MYO18B: variants seen among roughly 807,000 people sequenced by gnomAD.
MYO18B encodes the protein myosin XVIIIB.
In MYO18B, 204 loss-of-function variants were observed where a neutral mutation model predicts 273.0. That is an observed-to-expected ratio of 0.75 (90% CI 0.67 to 0.84). The LOEUF (loss-of-function observed/expected upper bound fraction) is 0.84. Ranked by LOEUF, MYO18B falls within the 40% of genes least tolerant of loss-of-function variation. The probability of loss-of-function intolerance (pLI) is 0.00; values close to 1 mark genes in which losing one functional copy is unlikely to be tolerated. For synonymous variants in MYO18B, 1,330 were observed against 1,305.7 expected (o/e 1.02, Z -0.40); for missense variants, 3,212 against 3,287.6 (o/e 0.98, Z 0.56).
intron 15 of MYO18B, among the ~76,000 whole-genome samples, chr22:25,830,886 G>C (rs2089681636): frequency 6.6e-6 from 1 of 152,150 alleles, no homozygotes; most frequent in South Asian, 2.1e-4. Flanking sequence ...CTCCCCAAAG[G>C]GGCCGTTTTG....
intron 1 of MYO18B, among the ~76,000 whole-genome samples, chr22:25,754,684 C>T (rs760161308): frequency 1.2e-4 from 18 of 152,152 alleles, no homozygotes; most frequent in Non-Finnish European, 2.1e-4. Context: ...GGGCCCGGAC[C>T]GGAGTATGGC....
chr22:25,942,254 C>T (rs2092653132), intron 34 of MYO18B, among the ~76,000 whole-genome samples: 1 of 152,234 alleles, frequency 6.6e-6, no homozygotes, highest in South Asian at 2.1e-4. Flanking sequence ...GTGTTGGTAA[C>T]GTTGGTTTCC....
At chr22:26,054,230 G>T in the MYO18B span, among the ~76,000 whole-genome samples, 1 of 152,158 alleles carries the variant, frequency 6.6e-6, no homozygotes, top group African/African-American at 2.4e-5. Flanking sequence ...TGTATCACTT[G>T]CTTTCTGCAT....
chr22:25,753,396 G>A (rs1004650446), intron 1 of MYO18B, among the ~76,000 whole-genome samples: 3 of 152,128 alleles, frequency 2.0e-5, no homozygotes, highest in African/African-American at 7.2e-5. Context: ...TCTGTAAAAC[G>A]GACCAGTCAG....
At chr22:25,786,934 G>T (rs2087415910) in intron 11 of MYO18B, among the ~76,000 whole-genome samples, 1 of 152,200 alleles carries the variant, frequency 6.6e-6, no homozygotes, top group African/African-American at 2.4e-5. Flanking sequence ...AAGAAATTCA[G>T]CCAGTGCGGT....
chr22:26,038,383 G>A, the MYO18B span, among the ~76,000 whole-genome samples: 1 of 152,100 alleles, frequency 6.6e-6, no homozygotes, highest in South Asian at 2.1e-4. Flanking sequence ...TCTGTTTCCT[G>A]CTGTAAAGTC....
intron 17 of MYO18B, among the ~76,000 whole-genome samples, chr22:25,838,831 G>A (rs917480029): frequency 2.1e-4 from 32 of 151,968 alleles, no homozygotes; most frequent in African/African-American, 7.7e-4. Flanking sequence ...ATGTGTGTAT[G>A]TCTGTGTGTA....
rs998619989 is a variant in MYO18B at position 25,838,445 on chromosome 22, C to G, written c.3208+3002C>G. On this transcript the variant is annotated intron_variant, in intron 17 of 43. Transcript: ENST00000335473. Reference sequence around the variant, plus strand: ...GAACTACTGACCTCAAGTGATCCACCCGCCTCGGCCTCCCAAAGTGCTAGG... The same window carrying G: ...GAACTACTGACCTCAAGTGATCCACGCGCCTCGGCCTCCCAAAGTGCTAGG... 4.6e-5 allele frequency among the ~76,000 whole-genome samples: 7 copies of G among 152,310 alleles called. No individual in the cohort carries two copies. The East Asian group carries it at 5.8e-4, about 13-fold the overall frequency.
intron 42 of MYO18B, among the ~76,000 whole-genome samples, chr22:26,008,350 A>G (rs1479975724): frequency 6.6e-6 from 1 of 152,188 alleles, no homozygotes; most frequent in East Asian, 1.9e-4. Context: ...CTGCTAGGAG[A>G]CTGTATCATA....
At chr22:25,794,274 G>C (rs966718210) in intron 11 of MYO18B, among the ~76,000 whole-genome samples, 1 of 150,314 alleles carries the variant, frequency 6.7e-6, no homozygotes, top group Non-Finnish European at 1.5e-5. Context: ...TGGTGTGATC[G>C]TGGTTCACTG....
At chr22:25,795,602 A>G (rs185429515) in intron 11 of MYO18B, among the ~76,000 whole-genome samples, 72 of 152,298 alleles carry the variant, frequency 4.7e-4, no homozygotes, top group African/African-American at 1.6e-3. Context: ...CTCATAAATA[A>G]CAGAGTATGT....
chr22:25,932,839 G>T (rs7510655), intron 34 of MYO18B, among the ~76,000 whole-genome samples: 8,107 of 143,364 alleles, frequency 0.057, 337 homozygotes, highest in South Asian at 0.19. Context: ...TTTTTTTTTT[G>T]TTTTTAAATG....
At chr22:25,816,843 C>T (rs1352132716) in intron 12 of MYO18B, among the ~76,000 whole-genome samples, 1 of 152,204 alleles carries the variant, frequency 6.6e-6, no homozygotes, top group East Asian at 1.9e-4. Flanking sequence ...AGACTTATCT[C>T]TTCTCTACAG....
chr22:25,772,588 G>A, intron 7 of MYO18B, 78 bp downstream of exon 7: 1 of 1,418,050 alleles, frequency 7.1e-7, no homozygotes, highest in South Asian at 1.4e-5. Context: ...CATCTGAGGT[G>A]ACAGTAGAAC....
chr22:25,955,170 C>G lies in MYO18B; in HGVS notation c.5971-9C>G. On this transcript the variant is annotated splice_polypyrimidine_tract_variant and intron_variant, in intron 38 of 43. Transcript: ENST00000335473. ...CTCCAAGGTGGGCATGTGTCTCTGCCCCTCCCAGGTCCTGGTGATCCGGCT... is the reference window on the plus strand; with the variant it reads ...CTCCAAGGTGGGCATGTGTCTCTGCGCCTCCCAGGTCCTGGTGATCCGGCT... 2 of 1,590,940 alleles carry G rather than the reference C, an allele frequency of 1.3e-6. No individual in the cohort carries two copies. The highest frequency in any genetic ancestry group is 1.7e-6 in the Non-Finnish European group (2 of 1,167,066).
intron 34 of MYO18B, among the ~76,000 whole-genome samples, chr22:25,934,742 G>A (rs1403535593): frequency 6.6e-6 from 1 of 152,176 alleles, no homozygotes; most frequent in Non-Finnish European, 1.5e-5. Context: ...TTTCTGATAA[G>A]CCTTTCCAAA....
chr22:25,803,967 A>AACACACACACACACAC (rs151023852), intron 12 of MYO18B, among the ~76,000 whole-genome samples: 129 of 136,952 alleles, frequency 9.4e-4, no homozygotes, highest in African/African-American at 3.0e-3. Context: ...TGACCCAGTG[A>AACACACACACACACAC]ACACACACAC....
intron 14 of MYO18B, among the ~76,000 whole-genome samples, chr22:25,827,192 A>C (rs2089526801): frequency 6.6e-6 from 1 of 152,214 alleles, no homozygotes; most frequent in Admixed American, 6.5e-5. Context: ...TGCATCATTG[A>C]ATACTCACAT....
At chr22:25,820,220 T>C (rs117759659) in intron 12 of MYO18B, among the ~76,000 whole-genome samples, 4,674 of 151,704 alleles carry the variant, frequency 0.031, 137 homozygotes, top group East Asian at 0.12. Flanking sequence ...ATGAGGTTAA[T>C]ACAGTGATGC....
Sources: gnomAD v4.1 joint callset for allele counts (sites outside exome capture counted in the v4.1 genomes callset) on GRCh38, gnomAD v4.1.1 for gene constraint, MANE v1.5 for transcripts, NCBI Gene and HGNC (gene_info 2026-07-23, HGNC 2026-07-21) for gene names.